CCDC7: variants seen among roughly 807,000 people sequenced by gnomAD.
CCDC7 encodes the protein coiled-coil domain-containing protein 7.
Under a neutral mutation model 196.9 loss-of-function variants are expected in CCDC7, and 183 were observed. The ratio of observed to expected loss-of-function variants is 0.93; its 90% CI spans 0.82 to 1.05. The LOEUF (loss-of-function observed/expected upper bound fraction) is 1.05. Ranked by LOEUF, CCDC7 falls within the 50% of genes least tolerant of loss-of-function variation. CCDC7 has a pLI of 0.00. For synonymous variants in CCDC7, 525 were observed against 484.6 expected (o/e 1.08, Z -1.10); for missense variants, 1,540 against 1,482.2 (o/e 1.04, Z -0.64).
chr10:32,825,484 G>A (rs1054461624), intron 32 of CCDC7, among the ~76,000 whole-genome samples: 6 of 152,014 alleles, frequency 3.9e-5, no homozygotes, highest in East Asian at 3.9e-4. Flanking sequence ...TCCTGCCCTC[G>A]TGTGAGTTAA....
chr10:32,769,063 C>G (rs770074030), intron 28 of CCDC7, among the ~76,000 whole-genome samples: 4 of 152,060 alleles, frequency 2.6e-5, no homozygotes, highest in Non-Finnish European at 5.9e-5. Flanking sequence ...ATTTTTGGAA[C>G]AGTTTCAACA....
intron 20 of CCDC7, among the ~76,000 whole-genome samples, chr10:32,661,714 C>T (rs1162663279): frequency 6.6e-6 from 1 of 152,164 alleles, no homozygotes; most frequent in African/African-American, 2.4e-5. Flanking sequence ...AAATTCTGCC[C>T]AGTGCCCTAT....
chr10:32,568,637 G>C (rs1019204535), intron 15 of CCDC7, among the ~76,000 whole-genome samples: 2 of 152,188 alleles, frequency 1.3e-5, no homozygotes, highest in Non-Finnish European at 2.9e-5. Flanking sequence ...TCTGTCAGCT[G>C]CTTTAAGACA....
intron 22 of CCDC7, among the ~76,000 whole-genome samples, chr10:32,687,854 C>A (rs1342402325): frequency 6.6e-6 from 1 of 152,172 alleles, no homozygotes; most frequent in African/African-American, 2.4e-5. Flanking sequence ...GGTATCGTCA[C>A]CATTTTGACT....
At chr10:32,447,921 A>T, upstream of CCDC7, among the ~76,000 whole-genome samples, 1 of 152,118 alleles carries the variant, frequency 6.6e-6, no homozygotes, top group South Asian at 2.1e-4. Flanking sequence ...AAAAATGTAA[A>T]AGGGAATATT....
chr10:32,787,192 A>G (rs1204929782), intron 29 of CCDC7, among the ~76,000 whole-genome samples: 1 of 152,222 alleles, frequency 6.6e-6, no homozygotes, highest in Admixed American at 6.5e-5. Context: ...ACATGCATCT[A>G]CACATTTAAA....
At chr10:32,680,122 CT>C (rs766724018) in intron 21 of CCDC7, among the ~76,000 whole-genome samples, 14 of 152,156 alleles carry the variant, frequency 9.2e-5, no homozygotes, top group Non-Finnish European at 1.2e-4. Context: ...CTCAAGGAGA[CT>C]TTCTCTATAT....
At chr10:32,539,416 C>T (rs2051037483) in intron 11 of CCDC7, among the ~76,000 whole-genome samples, 1 of 151,900 alleles carries the variant, frequency 6.6e-6, no homozygotes, top group Non-Finnish European at 1.5e-5. Context: ...AGGATCTTCT[C>T]TCTGTTTTTA....
chr10:32,574,530 T>C, intron 16 of CCDC7: 1 of 1,431,722 alleles, frequency 7.0e-7, no homozygotes, highest in Non-Finnish European at 9.2e-7. Context: ...ATACATGGTA[T>C]TGCTTACAAT....
intron 12 of CCDC7, 139 bp downstream of exon 13, chr10:32,543,524 T>C: frequency 1.1e-6 from 1 of 926,528 alleles, no homozygotes; most frequent in Non-Finnish European, 1.4e-6. Context: ...CATGTTTTTA[T>C]AAGCATACCA....
chr10:32,688,428 A>G (rs1010268084), intron 22 of CCDC7, among the ~76,000 whole-genome samples: 49 of 152,288 alleles, frequency 3.2e-4, no homozygotes, highest in African/African-American at 1.1e-3. Context: ...TTTCTGGTTT[A>G]TCTTTCTGTG....
At chr10:32,471,153 A>G in exon 6 of CCDC7, 1 of 1,613,052 alleles carries the variant, frequency 6.2e-7, no homozygotes, top group African/African-American at 1.3e-5. Flanking sequence ...TAAGGCTTGT[A>G]CAAAGATTTG....
chr10:32,686,786 T>C (rs905475137), intron 22 of CCDC7, among the ~76,000 whole-genome samples: 7 of 152,220 alleles, frequency 4.6e-5, no homozygotes, highest in Non-Finnish European at 8.8e-5. Context: ...TTGTACTTTT[T>C]ATGTATTAAT....
intron 31 of CCDC7, among the ~76,000 whole-genome samples, chr10:32,819,459 A>G (rs2089669550): frequency 6.6e-6 from 1 of 152,212 alleles, no homozygotes; most frequent in South Asian, 2.1e-4. Context: ...TCCCTAACTC[A>G]TTTTATGAGG....
At chr10:32,817,563 A>G (rs1414825023) in intron 31 of CCDC7, among the ~76,000 whole-genome samples, 1 of 150,810 alleles carries the variant, frequency 6.6e-6, no homozygotes, top group Non-Finnish European at 1.5e-5. Flanking sequence ...AAATGAAGGA[A>G]AAAATGTTAA....
intron 24 of CCDC7, among the ~76,000 whole-genome samples, chr10:32,704,917 T>A (rs7100831): frequency 0.083 from 12,677 of 152,164 alleles, 838 homozygotes; most frequent in East Asian, 0.33. Flanking sequence ...CTGTCACACC[T>A]TTCCTTGGCT....
chr10:32,472,377 A>G, intron 6 of CCDC7, 104 bp from the exon 8 acceptor site: 2 of 1,042,082 alleles, frequency 1.9e-6, no homozygotes, highest in Non-Finnish European at 2.6e-6. Flanking sequence ...TTTTTATTCT[A>G]CAAACTTCAT....
intron 9 of CCDC7, among the ~76,000 whole-genome samples, chr10:32,517,019 A>G (rs531489713): frequency 2.6e-5 from 4 of 152,344 alleles, no homozygotes; most frequent in African/African-American, 7.2e-5. Flanking sequence ...AAAATAATCT[A>G]TGGTCTATCC....
chr10:32,709,803 G>A (rs2080502891), intron 24 of CCDC7, among the ~76,000 whole-genome samples: 1 of 152,102 alleles, frequency 6.6e-6, no homozygotes, highest in South Asian at 2.1e-4. Context: ...TTTTAATTTG[G>A]CTCCATAACC....
Sources: gnomAD v4.1 joint callset for allele counts (sites outside exome capture counted in the v4.1 genomes callset) on GRCh38, gnomAD v4.1.1 for gene constraint, MANE v1.5 for transcripts, NCBI Gene and HGNC (gene_info 2026-07-23, HGNC 2026-07-21) for gene names.